The following ADAMTS6 variants were observed in gnomAD, a reference collection of about 807,000 sequenced individuals.
ADAMTS6 encodes A disintegrin and metalloproteinase with thrombospondin motifs 6.
In ADAMTS6, 23 loss-of-function variants were observed where a neutral mutation model predicts 144.3. The ratio of observed to expected loss-of-function variants is 0.16; its 90% CI spans 0.11 to 0.23. The LOEUF (loss-of-function observed/expected upper bound fraction) is 0.23, where lower values mean the gene tolerates loss of function less well. Ranked by LOEUF, ADAMTS6 falls within the 10% of genes least tolerant of loss-of-function variation. The probability of loss-of-function intolerance (pLI) is 1.00; values close to 1 mark genes in which losing one functional copy is unlikely to be tolerated. For missense variants in ADAMTS6, 999 were observed against 1,379.6 expected, an observed-to-expected ratio of 0.72 and a Z score of 4.37; for synonymous variants, 444 against 457.5, an observed-to-expected ratio of 0.97 and a Z score of 0.38.
intron 21 of ADAMTS6, among the ~76,000 whole-genome samples, chr5:65,195,553 G>A (rs1367544837): frequency 6.6e-6 from 1 of 152,120 alleles, no homozygotes; most frequent in Non-Finnish European, 1.5e-5. Context: ...TTAAATAATG[G>A]AAGTTCAAAA....
Position 65,398,852 on chromosome 5 carries a change from A to G in ADAMTS6, c.1073+52623T>C, listed in dbSNP as rs567906925. 6.1e-5 allele frequency among the ~76,000 whole-genome samples: 9 copies of G among 146,480 alleles called. No homozygotes were observed. In the East Asian group the frequency reaches 6.7e-4, roughly 11 times the overall value. On this transcript the variant is annotated intron_variant, in intron 7 of 24. Coordinates refer to ENST00000381055, the MANE Select transcript of ADAMTS6 (RefSeq NM_197941.4). Reference sequence around the variant, plus strand: ...AGAAAGAAAGAAAGAAAGAAAGAAAAAGAAAGAGAAAGAAAGAAAGAAAGA... The same window carrying G: ...AGAAAGAAAGAAAGAAAGAAAGAAAGAGAAAGAGAAAGAAAGAAAGAAAGA...
At chr5:65,159,171 T>C (rs780970378) in intron 24 of ADAMTS6, among the ~76,000 whole-genome samples, 1 of 152,160 alleles carries the variant, frequency 6.6e-6, no homozygotes, top group Non-Finnish European at 1.5e-5. Context: ...TTCATCACTC[T>C]CCTTTTAATC....
At chr5:65,225,804 C>T (rs1046848740) in intron 16 of ADAMTS6, among the ~76,000 whole-genome samples, 1 of 152,032 alleles carries the variant, frequency 6.6e-6, no homozygotes, top group African/African-American at 2.4e-5. Context: ...TGTTTGTAAA[C>T]AGAACAGAAG....
intron 11 of ADAMTS6, among the ~76,000 whole-genome samples, chr5:65,289,834 A>T (rs556733180): frequency 6.6e-6 from 1 of 152,330 alleles, no homozygotes; most frequent in South Asian, 2.1e-4. Flanking sequence ...AGAGACATAG[A>T]TATGAATAAT....
intron 22 of ADAMTS6, among the ~76,000 whole-genome samples, chr5:65,184,300 G>A (rs1220089341): frequency 6.6e-6 from 1 of 152,180 alleles, no homozygotes. Context: ...TCAACATTTC[G>A]GGGTTACACT....
At chr5:65,381,892 G>C (rs537340073) in intron 7 of ADAMTS6, among the ~76,000 whole-genome samples, 1 of 152,122 alleles carries the variant, frequency 6.6e-6, no homozygotes, top group Non-Finnish European at 1.5e-5. Flanking sequence ...ATGCCATTCT[G>C]TGAGGAATTA....
chr5:65,306,367 C>T (rs965358292), intron 9 of ADAMTS6, among the ~76,000 whole-genome samples: 3 of 152,188 alleles, frequency 2.0e-5, no homozygotes, highest in African/African-American at 4.8e-5. Flanking sequence ...ATGGGAGTTA[C>T]AAACACACTG....
intron 21 of ADAMTS6, among the ~76,000 whole-genome samples, chr5:65,191,004 C>T (rs1437544363): frequency 6.6e-6 from 1 of 152,084 alleles, no homozygotes; most frequent in Non-Finnish European, 1.5e-5. Flanking sequence ...CCTCTGATGG[C>T]ATTCTTTCTC....
chr5:65,279,283 T>A (rs191021315), intron 11 of ADAMTS6, among the ~76,000 whole-genome samples: 149 of 151,996 alleles, frequency 9.8e-4, no homozygotes, highest in African/African-American at 3.5e-3. Flanking sequence ...TTTTTCTCTA[T>A]CTGCTTTGGG....
intron 7 of ADAMTS6, among the ~76,000 whole-genome samples, chr5:65,416,776 CAACAA>C (rs1755569444): frequency 1.4e-5 from 2 of 144,970 alleles, no homozygotes; most frequent in Non-Finnish European, 3.0e-5. Flanking sequence ...CCAACAACAA[CAACAA>C]AATAAAATAA....
At chr5:65,466,082 T>C (rs1759974357) in intron 3 of ADAMTS6, among the ~76,000 whole-genome samples, 2 of 152,306 alleles carry the variant, frequency 1.3e-5, no homozygotes, top group Admixed American at 6.5e-5. Context: ...CCCTACCTAC[T>C]CCTCGAACAG....
intron 7 of ADAMTS6, among the ~76,000 whole-genome samples, chr5:65,377,004 A>G (rs534733456): frequency 1.3e-5 from 2 of 152,122 alleles, no homozygotes; most frequent in Non-Finnish European, 2.9e-5. Context: ...CCCCTACCTC[A>G]TGGAAGACTT....
intron 12 of ADAMTS6, among the ~76,000 whole-genome samples, chr5:65,273,038 G>A (rs766842752): frequency 2.0e-4 from 31 of 151,850 alleles, no homozygotes; most frequent in Non-Finnish European, 3.4e-4. Flanking sequence ...TATGTTATAT[G>A]AGTAAACAGA....
At chr5:65,347,537 C>T (rs1748446562) in intron 7 of ADAMTS6, among the ~76,000 whole-genome samples, 1 of 151,800 alleles carries the variant, frequency 6.6e-6, no homozygotes, top group Non-Finnish European at 1.5e-5. Context: ...AGACCTGCAA[C>T]CATAAGACTA....
chr5:65,289,719 A>T (rs1408093976), intron 11 of ADAMTS6, among the ~76,000 whole-genome samples: 2 of 152,192 alleles, frequency 1.3e-5, no homozygotes, highest in Non-Finnish European at 1.5e-5. Flanking sequence ...TAGATTCTAT[A>T]AAACTGAATA....
At chr5:65,291,812 GGTA>G (rs970008000) in intron 10 of ADAMTS6, among the ~76,000 whole-genome samples, 3 of 151,602 alleles carry the variant, frequency 2.0e-5, no homozygotes, top group South Asian at 2.1e-4. Flanking sequence ...AACCACATCT[GGTA>G]GTAGAATTAA....
At chr5:65,294,268 G>A (rs2112772972) in intron 10 of ADAMTS6, among the ~76,000 whole-genome samples, 1 of 152,272 alleles carries the variant, frequency 6.6e-6, no homozygotes, top group Non-Finnish European at 1.5e-5. Flanking sequence ...CACCCAGGCT[G>A]GAGTGAAGTG....
intron 7 of ADAMTS6, among the ~76,000 whole-genome samples, chr5:65,421,439 T>A (rs1029206303): frequency 6.6e-6 from 1 of 152,192 alleles, no homozygotes; most frequent in African/African-American, 2.4e-5. Context: ...AAGTCTGCTG[T>A]TAGTCTGATA....
At chr5:65,382,421 G>A (rs753531241) in intron 7 of ADAMTS6, among the ~76,000 whole-genome samples, 17 of 152,180 alleles carry the variant, frequency 1.1e-4, no homozygotes, top group South Asian at 4.1e-4. Flanking sequence ...GTTGAACTCC[G>A]AAAGTACTCA....
Sources: gnomAD v4.1 joint callset for allele counts (sites outside exome capture counted in the v4.1 genomes callset) on GRCh38, gnomAD v4.1.1 for gene constraint, MANE v1.5 for transcripts, NCBI Gene and HGNC (gene_info 2026-07-23, HGNC 2026-07-21) for gene names.